GPR137C: variants seen among roughly 807,000 people sequenced by gnomAD.
GPR137C encodes integral membrane protein GPR137C.
GPR137C carries 27 observed loss-of-function variants against 43.4 expected under a neutral mutation model. That is an observed-to-expected ratio of 0.62 (90% confidence interval 0.46 to 0.86). GPR137C has a LOEUF of 0.86. Among genes scored for constraint, GPR137C ranks in the 40% least tolerant of loss-of-function variants. The probability of loss-of-function intolerance (pLI) is 0.00; values close to 1 mark genes in which losing one functional copy is unlikely to be tolerated. For synonymous variants in GPR137C, 285 were observed against 226.9 expected, an observed-to-expected ratio of 1.26 and a Z score of -2.30; for missense variants, 522 against 534.6, an observed-to-expected ratio of 0.98 and a Z score of 0.23.
intron 1 of GPR137C, among the ~76,000 whole-genome samples, chr14:52,595,376 T>C (rs997508080): frequency 6.6e-6 from 1 of 152,154 alleles, no homozygotes; most frequent in Non-Finnish European, 1.5e-5. Flanking sequence ...CCTTGCTAGG[T>C]TGTGGAAGTT....
intron 6 of GPR137C, 46 bp downstream of exon 6, chr14:52,633,992 T>C (rs1301875543): frequency 8.6e-7 from 1 of 1,161,900 alleles, no homozygotes; most frequent in East Asian, 2.3e-5. Context: ...TTGAAATTGA[T>C]TGAAAAAAAC....
chr14:52,563,131 C>G (rs1331410181), intron 1 of GPR137C, among the ~76,000 whole-genome samples: 1 of 152,222 alleles, frequency 6.6e-6, no homozygotes, highest in Middle Eastern at 3.4e-3. Flanking sequence ...GCAATTGACC[C>G]CCCATATCTT....
At position 52,610,577 on chromosome 14, in the gene GPR137C, G is replaced by T. The variant is rs575843024; in HGVS notation, c.717+10236G>T. 2.6e-5 allele frequency among the ~76,000 whole-genome samples: 4 copies of T among 152,166 alleles called. 1 individual carries two copies. In the South Asian group the frequency reaches 6.2e-4, roughly 24 times the overall value. On this transcript the variant is annotated intron_variant, in intron 3 of 6. Transcript: ENST00000321662. ...ATTAAATTTTATTATAGGTATGTATGGATAAGAAAAAAAGTAGTACATATC... is the reference window on the plus strand; with the variant it reads ...ATTAAATTTTATTATAGGTATGTATTGATAAGAAAAAAAGTAGTACATATC...
intron 1 of GPR137C, among the ~76,000 whole-genome samples, chr14:52,594,238 T>A (rs2038821402): frequency 6.6e-6 from 1 of 152,192 alleles, no homozygotes; most frequent in African/African-American, 2.4e-5. Context: ...AGTGTTTCAC[T>A]TCCAATTATG....
At chr14:52,560,062 T>A (rs1443719273) in intron 1 of GPR137C, among the ~76,000 whole-genome samples, 1 of 151,866 alleles carries the variant, frequency 6.6e-6, no homozygotes, top group Non-Finnish European at 1.5e-5. Context: ...GAGGCTGAGG[T>A]GGGAGGATCA....
At chr14:52,587,365 A>T (rs1295652251) in intron 1 of GPR137C, among the ~76,000 whole-genome samples, 1 of 152,226 alleles carries the variant, frequency 6.6e-6, no homozygotes, top group African/African-American at 2.4e-5. Context: ...GTCTGGAAGG[A>T]TGAGTTGGAA....
intron 1 of GPR137C, among the ~76,000 whole-genome samples, chr14:52,585,379 GCT>G (rs10682371): frequency 6.6e-6 from 1 of 151,934 alleles, no homozygotes; most frequent in East Asian, 1.9e-4. Context: ...GCTCTCACTT[GCT>G]CTCTCTCTCG....
Position 52,553,239 on chromosome 14 carries a change from G to A in GPR137C, c.92G>A (p.Gly31Asp). 1 of 1,300,658 alleles carries A rather than the reference G, an allele frequency of 7.7e-7. No individual in the cohort carries two copies. The highest frequency in any genetic ancestry group is 9.8e-7 in the Non-Finnish European group (1 of 1,024,968). 80.6% of individuals were successfully genotyped at this position (1,300,658 alleles called of 1,614,324 possible). A position where few individuals can be genotyped will look rare whatever the true frequency, so the allele number is the denominator to read the frequency against. Residue 31 changes from glycine to aspartate, a missense_variant, in exon 1 of 7, where the codon GGC (glycine) becomes GAC (aspartate). By Grantham distance (94) the Gly-to-Asp change is moderately conservative. Transcript: ENST00000321662. ...STPGGGSGGG[G>D]AVAAASGAAV... is the part of the protein sequence containing the mutation. ...CCCGGCGGGGGCAGCGGAGGCGGAG[G>A]CGCCGTCGCTGCAGCCTCAGGCGCC...
rs1192310525 is a variant in GPR137C, at chr14:52,633,814, T to C, written c.994-14T>C. The C allele has an allele frequency of 6.3e-7, 1 of 1,578,642 alleles. No individual in the cohort carries two copies. Among genetic ancestry groups the C allele is most frequent in the Admixed American group, 1.7e-5 (1 of 59,784 alleles). On this transcript the variant is annotated splice_polypyrimidine_tract_variant and intron_variant, in intron 5 of 6. Transcript: ENST00000321662. ...AGTAAAACCTTCATATGCTATCTAA[T>C]ACTTTGTTCACAGGCACCTGCTGGC...
chr14:52,603,295 A>G (rs1230944740), intron 3 of GPR137C, among the ~76,000 whole-genome samples: 3 of 152,188 alleles, frequency 2.0e-5, no homozygotes, highest in African/African-American at 7.2e-5. Context: ...TTTTATGCCC[A>G]TGTAATAGTC....
intron 3 of GPR137C, among the ~76,000 whole-genome samples, chr14:52,617,638 C>CT (rs765568246): frequency 2.0e-5 from 3 of 152,148 alleles, no homozygotes; most frequent in Non-Finnish European, 2.9e-5. Flanking sequence ...GAGATTGTAC[C>CT]ACCGCACTCC....
intron 1 of GPR137C, among the ~76,000 whole-genome samples, chr14:52,580,160 A>G (rs913964407): frequency 1.3e-5 from 2 of 152,122 alleles, no homozygotes; most frequent in South Asian, 4.1e-4. Flanking sequence ...ACTCAGATTT[A>G]TGGGTTTATG....
chr14:52,589,147 A>T (rs2038749594), intron 1 of GPR137C, among the ~76,000 whole-genome samples: 1 of 152,208 alleles, frequency 6.6e-6, no homozygotes, highest in Non-Finnish European at 1.5e-5. Context: ...ATATTGTATG[A>T]ATCTACTTAT....
At chr14:52,567,866 G>A (rs991741126) in intron 1 of GPR137C, among the ~76,000 whole-genome samples, 6 of 152,074 alleles carry the variant, frequency 3.9e-5, no homozygotes, top group African/African-American at 1.4e-4. Context: ...CACCATGTTG[G>A]TCAGGCTGGT....
Position 52,600,150 on chromosome 14 carries a change from C to T in GPR137C, c.526C>T (p.Leu176Phe). 6.2e-7 allele frequency: 1 copy of T among 1,613,814 alleles called. No individual in the cohort carries two copies. The highest frequency in any genetic ancestry group is 8.5e-7 in the Non-Finnish European group (1 of 1,179,806). Residue 176 changes from leucine to phenylalanine, a missense_variant, in exon 3 of 7, where the codon CTC becomes TTC. Coordinates refer to ENST00000321662, the MANE Select transcript of GPR137C (RefSeq NM_001099652.2). ...TTTGGGCTTTATAATGGCAAGCCTG[C>T]TCTTTTTAGTGGTGAACTTGACTTG... ...LHLGFIMASL[L>F]FLVVNLTCAM...
chr14:52,561,610 A>C (rs1036182572), intron 1 of GPR137C, among the ~76,000 whole-genome samples: 7 of 152,238 alleles, frequency 4.6e-5, no homozygotes, highest in Admixed American at 1.3e-4. Context: ...AATGAACAAA[A>C]TATACCAATA....
At chr14:52,633,134 A>T (rs745348042) in intron 4 of GPR137C, among the ~76,000 whole-genome samples, 1 of 152,112 alleles carries the variant, frequency 6.6e-6, no homozygotes, top group Non-Finnish European at 1.5e-5. Flanking sequence ...GAGCTGAGTG[A>T]CTTAACATGT....
intron 3 of GPR137C, among the ~76,000 whole-genome samples, chr14:52,600,732 A>C (rs2038914815): frequency 6.6e-6 from 1 of 152,256 alleles, no homozygotes; most frequent in African/African-American, 2.4e-5. Flanking sequence ...GAATATACTA[A>C]GCATGTTGTA....
chr14:52,592,732 C>T (rs1285836976), intron 1 of GPR137C, among the ~76,000 whole-genome samples: 2 of 152,186 alleles, frequency 1.3e-5, no homozygotes, highest in East Asian at 3.8e-4. Flanking sequence ...AGATTTTGGG[C>T]TGAGACGATG....
Sources: gnomAD v4.1 joint callset for allele counts (sites outside exome capture counted in the v4.1 genomes callset) on GRCh38, gnomAD v4.1.1 for gene constraint, MANE v1.5 for transcripts, NCBI Gene and HGNC (gene_info 2026-07-23, HGNC 2026-07-21) for gene names.